JAZF1: variants seen among roughly 807,000 people sequenced by gnomAD.
The protein encoded by JAZF1 is JAZF zinc finger 1.
Under a neutral mutation model 26.4 loss-of-function variants are expected in JAZF1, and 8 were observed. That is an observed-to-expected ratio of 0.30 (90% CI 0.18 to 0.55). The LOEUF (loss-of-function observed/expected upper bound fraction) is 0.55, where lower values mean the gene tolerates loss of function less well. JAZF1 is among the 20% of genes least tolerant of loss of function. JAZF1 has a pLI of 0.94. For synonymous variants in JAZF1, 126 were observed against 122.3 expected, an observed-to-expected ratio of 1.03 and a Z score of -0.20; for missense variants, 199 against 322.0, an observed-to-expected ratio of 0.62 and a Z score of 2.92.
chr7:28,128,022 G>T (rs1300339506), intron 1 of JAZF1, among the ~76,000 whole-genome samples: 1 of 152,012 alleles, frequency 6.6e-6, no homozygotes, highest in African/African-American at 2.4e-5. Context: ...AAACCATTTC[G>T]GTGGCCTACC....
At chr7:28,005,716 G>A (rs1782689294) in intron 1 of JAZF1, among the ~76,000 whole-genome samples, 1 of 151,792 alleles carries the variant, frequency 6.6e-6, no homozygotes, top group South Asian at 2.1e-4. Flanking sequence ...TAATGAGTAG[G>A]GGAGCATGCT....
chr7:27,990,125 T>A (rs547136459), intron 2 of JAZF1, among the ~76,000 whole-genome samples: 15 of 152,276 alleles, frequency 9.9e-5, no homozygotes, highest in African/African-American at 3.6e-4. Flanking sequence ...TGAGTTCATG[T>A]CCTTTGTAGA....
intron 2 of JAZF1, among the ~76,000 whole-genome samples, chr7:27,943,637 C>T (rs1417811191): frequency 6.6e-6 from 1 of 152,164 alleles, no homozygotes; most frequent in African/African-American, 2.4e-5. Flanking sequence ...TTCATAAACA[C>T]TGTGTGGGCT....
chr7:27,926,259 A>G (rs896535932), intron 2 of JAZF1, among the ~76,000 whole-genome samples: 3 of 152,188 alleles, frequency 2.0e-5, no homozygotes, highest in African/African-American at 7.2e-5. Context: ...AGGCCCACAT[A>G]AGGATCTACC....
chr7:28,143,168 A>G (rs888906924), intron 1 of JAZF1, among the ~76,000 whole-genome samples: 1 of 152,050 alleles, frequency 6.6e-6, no homozygotes. Context: ...ATTGACTCAA[A>G]CACTTCTACT....
intron 2 of JAZF1, chr7:27,914,584 T>C (rs1257594448): frequency 5.7e-6 from 2 of 351,504 alleles, no homozygotes; most frequent in Non-Finnish European, 5.8e-6. Flanking sequence ...GCCAGGGAAG[T>C]AGCCCTCACA....
intron 3 of JAZF1, among the ~76,000 whole-genome samples, chr7:27,868,517 G>C (rs771870743): frequency 2.0e-5 from 3 of 152,188 alleles, no homozygotes; most frequent in Non-Finnish European, 4.4e-5. Flanking sequence ...AGCCTGGCTG[G>C]TCGGCTCCCC....
chr7:28,009,200 T>G (rs1303021816), intron 1 of JAZF1, among the ~76,000 whole-genome samples: 1 of 151,916 alleles, frequency 6.6e-6, no homozygotes, highest in Non-Finnish European at 1.5e-5. Context: ...TCTTCATTTC[T>G]ATGGCTTGGT....
chr7:28,042,743 T>A (rs1337420887), intron 1 of JAZF1, among the ~76,000 whole-genome samples: 1 of 152,176 alleles, frequency 6.6e-6, no homozygotes, highest in East Asian at 1.9e-4. Context: ...ACAAATACCA[T>A]TGTGTTATAA....
At chr7:27,856,468 G>A (rs934668704) in intron 3 of JAZF1, among the ~76,000 whole-genome samples, 2 of 152,190 alleles carry the variant, frequency 1.3e-5, no homozygotes, top group African/African-American at 4.8e-5. Context: ...GGTTGCCACT[G>A]CTGATTCAGG....
At chr7:27,859,531 A>C (rs1373642500) in intron 3 of JAZF1, among the ~76,000 whole-genome samples, 1 of 152,246 alleles carries the variant, frequency 6.6e-6, no homozygotes, top group African/African-American at 2.4e-5. Context: ...ATGGAATACT[A>C]TGCAGCCATA....
At chr7:27,911,000 A>T (rs903472674) in intron 2 of JAZF1, among the ~76,000 whole-genome samples, 4 of 152,174 alleles carry the variant, frequency 2.6e-5, no homozygotes, top group Non-Finnish European at 4.4e-5. Context: ...CCCTAACTAA[A>T]ATAATTCCAA....
intron 2 of JAZF1, among the ~76,000 whole-genome samples, chr7:27,966,168 A>G (rs1685452432): frequency 6.6e-6 from 1 of 152,170 alleles, no homozygotes; most frequent in African/African-American, 2.4e-5. Flanking sequence ...ACACTACACA[A>G]TACATTCCAC....
chr7:27,975,733 G>T (rs1282810987), intron 2 of JAZF1, among the ~76,000 whole-genome samples: 1 of 152,158 alleles, frequency 6.6e-6, no homozygotes, highest in Non-Finnish European at 1.5e-5. Context: ...AAATTATAAA[G>T]CAGCTTTGAA....
intron 1 of JAZF1, among the ~76,000 whole-genome samples, chr7:28,007,867 A>C (rs1018026262): frequency 2.0e-5 from 3 of 152,180 alleles, no homozygotes; most frequent in African/African-American, 7.2e-5. Context: ...GGCCTCTCCC[A>C]TTACTAGCAT....
chr7:27,834,067 C>T (rs1272404870), intron 4 of JAZF1, among the ~76,000 whole-genome samples: 1 of 152,172 alleles, frequency 6.6e-6, no homozygotes, highest in Non-Finnish European at 1.5e-5. Context: ...TAAATCCAGT[C>T]CTGCTAGAGC....
intron 1 of JAZF1, among the ~76,000 whole-genome samples, chr7:28,026,313 A>G (rs1280052555): frequency 2.0e-5 from 3 of 152,234 alleles, no homozygotes; most frequent in African/African-American, 7.2e-5. Context: ...GGAGCAGGGT[A>G]GGCTGCAGTG....
intron 4 of JAZF1, among the ~76,000 whole-genome samples, chr7:27,833,724 A>C (rs1435112268): frequency 1.3e-5 from 2 of 152,216 alleles, no homozygotes; most frequent in African/African-American, 4.8e-5. Flanking sequence ...CTGGATACTA[A>C]AGTTATCAAA....
At chr7:27,899,544 C>CT in intron 2 of JAZF1, among the ~76,000 whole-genome samples, 1 of 152,266 alleles carries the variant, frequency 6.6e-6, no homozygotes, top group East Asian at 1.9e-4. Flanking sequence ...AAGCAATCTT[C>CT]TTGCCTCAGC....
Sources: gnomAD v4.1 joint callset for allele counts (sites outside exome capture counted in the v4.1 genomes callset) on GRCh38, gnomAD v4.1.1 for gene constraint, MANE v1.5 for transcripts, NCBI Gene and HGNC (gene_info 2026-07-23, HGNC 2026-07-21) for gene names.